XRCC2: variants seen among roughly 807,000 people sequenced by gnomAD.
XRCC2 encodes X-ray repair cross complementing 2.
Under a neutral mutation model 27.3 loss-of-function variants are expected in XRCC2, and 24 were observed. The ratio of observed to expected loss-of-function variants is 0.88; its 90% confidence interval spans 0.64 to 1.24. XRCC2 has a LOEUF of 1.24. XRCC2 is among the 50% of genes most tolerant of loss of function. The pLI, the probability that XRCC2 is intolerant of heterozygous loss-of-function variation, is 0.00. For missense variants in XRCC2, 321 were observed against 325.8 expected (o/e 0.99, Z 0.11); for synonymous variants, 106 against 115.4 (o/e 0.92, Z 0.52).
intron 2 of XRCC2, among the ~76,000 whole-genome samples, chr7:152,655,004 C>A (rs2116993985): frequency 6.6e-6 from 1 of 152,292 alleles, no homozygotes; most frequent in South Asian, 2.1e-4. Context: ...GGGACATCAT[C>A]CTTTTCAATG....
At chr7:152,675,698 A>G (rs946653985) in intron 1 of XRCC2, among the ~76,000 whole-genome samples, 3 of 152,126 alleles carry the variant, frequency 2.0e-5, no homozygotes, top group African/African-American at 7.2e-5. Context: ...TTCCAACGGT[A>G]GTTAATTTGT....
At position 152,659,765 on chromosome 7, in the gene XRCC2, C is replaced by T. The variant is rs2098032258; in HGVS notation, c.121+936G>A. Among the ~76,000 whole-genome samples the T allele has an allele frequency of 2.0e-5, 3 of 151,356 alleles. No individual in the cohort carries two copies. In the Admixed American group the frequency reaches 2.0e-4, roughly 10 times the overall value. ...TCTCAAAAGGTTAAATGTAGAATTG[C>T]CATATGACCTAGCAATGCCTATCCT... is the stretch of plus-strand genomic sequence containing the variant. On this transcript the variant is annotated intron_variant, in intron 2 of 2. Transcript: ENST00000359321.
At chr7:152,670,676 G>A (rs1157857630) in intron 1 of XRCC2, among the ~76,000 whole-genome samples, 2 of 151,796 alleles carry the variant, frequency 1.3e-5, no homozygotes, top group Non-Finnish European at 2.9e-5. Context: ...TCAGCTCACT[G>A]CAACCTCTGT....
chr7:152,674,510 G>A (rs1259432422), intron 1 of XRCC2, among the ~76,000 whole-genome samples: 4 of 151,624 alleles, frequency 2.6e-5, no homozygotes, highest in African/African-American at 7.3e-5. Context: ...TACTTGGGAG[G>A]CTGAGGCAGG....
chr7:152,650,173 G>A (rs1650391467), intron 2 of XRCC2, among the ~76,000 whole-genome samples: 1 of 152,192 alleles, frequency 6.6e-6, no homozygotes, highest in Admixed American at 6.5e-5. Context: ...TGGATTTTGT[G>A]GTTTCACACA....
intron 1 of XRCC2, among the ~76,000 whole-genome samples, chr7:152,666,514 A>G (rs2098035781): frequency 6.6e-6 from 1 of 151,996 alleles, no homozygotes; most frequent in African/African-American, 2.4e-5. Flanking sequence ...GCCCAGTGGA[A>G]TCTCCCACTT....
intron 2 of XRCC2, among the ~76,000 whole-genome samples, chr7:152,654,119 C>T (rs1045480672): frequency 5.6e-5 from 8 of 143,152 alleles, no homozygotes; most frequent in Non-Finnish European, 1.2e-4. Context: ...CTGCTTGAAC[C>T]TGGGAGGCAG....
At position 152,660,892 on chromosome 7, in the gene XRCC2, G is replaced by C; in HGVS notation, c.40-110C>G. On this transcript the variant is annotated intron_variant, in intron 1 of 2. Coordinates refer to ENST00000359321, the MANE Select transcript of XRCC2 (RefSeq NM_005431.2). ...TGTAAGATTTCATAACTTTAGGCTG[G>C]GTGCTGTGGCTCACACCTGTAATCC... 4.2e-6 allele frequency: 4 copies of C among 944,386 alleles called. No individual in the cohort carries two copies. The East Asian group carries it at 8.0e-5, about 19-fold the overall frequency. The allele number at this position is 944,386 out of a possible 1,614,324, so 58.5% of individuals were successfully genotyped here.
chr7:152,675,986 C>G, intron 1 of XRCC2, 55 bp downstream of exon 1: 1 of 1,610,508 alleles, frequency 6.2e-7, no homozygotes, highest in African/African-American at 1.3e-5. Flanking sequence ...CGGCTCCCCT[C>G]GCCCACCGGC....
chr7:152,660,882 C>A, intron 1 of XRCC2, 100 bp from the exon 2 acceptor site: 1 of 1,065,748 alleles, frequency 9.4e-7, no homozygotes, highest in Non-Finnish European at 1.3e-6. Flanking sequence ...GATTTCATAA[C>A]TTTAGGCTGG....
chr7:152,651,049 C>T (rs2098028322), intron 2 of XRCC2, among the ~76,000 whole-genome samples: 1 of 152,024 alleles, frequency 6.6e-6, no homozygotes, highest in Non-Finnish European at 1.5e-5. Context: ...AAGCAATTCT[C>T]CTGCCTCAGC....
intron 1 of XRCC2, among the ~76,000 whole-genome samples, chr7:152,675,763 T>A (rs576786648): frequency 1.3e-5 from 2 of 152,276 alleles, no homozygotes. Flanking sequence ...GTTATATCGA[T>A]CTGGGCAGGC....
chr7:152,676,039 A>T lies in XRCC2; in HGVS notation c.39+2T>A, dbSNP rs758499439. On this transcript the variant is annotated splice_donor_variant, in intron 1 of 2. Transcript: ENST00000359321. LOFTEE classifies it high-confidence loss of function. ...CCTCACTCCCAACCCGGCGGCTCTCACCTCGGTCCCAGACTCAGCCCTATG... is the reference window on the plus strand; with the variant it reads ...CCTCACTCCCAACCCGGCGGCTCTCTCCTCGGTCCCAGACTCAGCCCTATG... 4.3e-6 allele frequency: 7 copies of T among 1,613,280 alleles called. No individual in the cohort carries two copies. In the Admixed American group the frequency reaches 8.3e-5, roughly 19 times the overall value.
intron 2 of XRCC2, 88 bp from the exon 3 acceptor site, chr7:152,649,451 CACTT>C (rs2098027577): frequency 7.0e-7 from 1 of 1,436,148 alleles, no homozygotes; most frequent in Non-Finnish European, 9.3e-7. Flanking sequence ...TTTAAAAAGA[CACTT>C]ACTGGAATGT....
chr7:152,670,336 G>A (rs1319080200), intron 1 of XRCC2, among the ~76,000 whole-genome samples: 3 of 152,180 alleles, frequency 2.0e-5, no homozygotes, highest in Non-Finnish European at 4.4e-5. Flanking sequence ...ATTCCAAAAT[G>A]CAATGCTTTA....
chr7:152,648,922 C>G lies in XRCC2; in HGVS notation c.563G>C (p.Arg188Pro), dbSNP rs3218536. Residue 188 changes from arginine (R) to proline (P), a missense_variant, in exon 3 of 3, where the codon CGC (arginine) becomes CCC (proline). Physicochemically the swap from Arg to Pro is moderately radical, Grantham distance 103. Transcript: ENST00000359321. ...QCLEKLVNDY[R>P]LVLFATTQTI... ...TTGTGTCGTTGCAAAAAGAACCAGG[C>G]GATAGTCATTTACAAGCTTCTCTAA... 1.9e-6 allele frequency: 3 copies of G among 1,613,968 alleles called. No individual in the cohort carries two copies. Among genetic ancestry groups the G allele is most frequent in the African/African-American group, 1.3e-5 (1 of 74,894 alleles).
chr7:152,657,492 T>G (rs1260533338), intron 2 of XRCC2, among the ~76,000 whole-genome samples: 1 of 152,028 alleles, frequency 6.6e-6, no homozygotes, highest in Non-Finnish European at 1.5e-5. Flanking sequence ...GGTTTCACCA[T>G]GTTGGCCAGG....
At chr7:152,658,092 A>G (rs930511483) in intron 2 of XRCC2, among the ~76,000 whole-genome samples, 1 of 151,098 alleles carries the variant, frequency 6.6e-6, no homozygotes, top group African/African-American at 2.4e-5. Context: ...TGACCTCTCA[A>G]GTAGCTGGGA....
Position 152,645,847 on chromosome 7 carries a change from T to C in XRCC2, c.*2795A>G, listed in dbSNP as rs2098025570. On this transcript the variant is annotated 3_prime_UTR_variant, in exon 3 of 3. Transcript: ENST00000359321. ...GTGGAGGCTCACTGGAACCCAGGAG[T>C]TCGAGGCTGCAGTGAGTTATGATGC... The C allele has an allele frequency of 6.6e-6, 1 of 152,244 alleles. No homozygotes were observed. Among genetic ancestry groups the C allele is most frequent in the South Asian group, 2.1e-4 (1 of 4,828 alleles). The allele number at this position is 152,244 out of a possible 1,614,324, so 9.4% of individuals were successfully genotyped here.
Sources: allele counts gnomAD v4.1 joint callset (sites outside exome capture counted in the v4.1 genomes callset), GRCh38; gene constraint gnomAD v4.1.1; transcripts MANE v1.5; gene names NCBI Gene and HGNC (gene_info 2026-07-23, HGNC 2026-07-21).